Variants in MLLT3 observed in about 807,000 individuals in gnomAD.
MLLT3 encodes the protein protein AF-9.
A neutral mutation model predicts 53.2 loss-of-function variants in MLLT3; 4 were observed. That is an observed-to-expected ratio of 0.08 (90% confidence interval 0.04 to 0.17). MLLT3 has a LOEUF of 0.17. Ranked by LOEUF, MLLT3 falls within the 10% of genes least tolerant of loss-of-function variation. The pLI, the probability that MLLT3 is intolerant of heterozygous loss-of-function variation, is 1.00. For synonymous variants in MLLT3, 283 were observed against 230.6 expected, an observed-to-expected ratio of 1.23 and a Z score of -2.06; for missense variants, 569 against 684.0, an observed-to-expected ratio of 0.83 and a Z score of 1.87.
chr9:20,576,642 T>C (rs1366883228), intron 2 of MLLT3, among the ~76,000 whole-genome samples: 1 of 152,066 alleles, frequency 6.6e-6, no homozygotes, highest in East Asian at 1.9e-4. Flanking sequence ...ATGGGCACGC[T>C]TCATGGCAAC....
intron 2 of MLLT3, among the ~76,000 whole-genome samples, chr9:20,582,862 G>A (rs1587096440): frequency 6.6e-6 from 1 of 152,086 alleles, no homozygotes; most frequent in African/African-American, 2.4e-5. Context: ...AATTCAAATT[G>A]AGATTTGGGT....
In MLLT3 at chr9:20,597,322, T is replaced by C. The variant is rs114394612; in HGVS notation, c.193+23332A>G. ...CAAAGGTGTCTTACTATAAAGTTGT[T>C]ATTTAATACCACTTATGTGCAAAGG... On this transcript the variant is annotated intron_variant, in intron 2 of 10. Transcript: ENST00000380338. Among the ~76,000 whole-genome samples, 1,013 of 151,948 alleles carry C rather than the reference T, an allele frequency of 6.7e-3. 16 individuals are homozygous for C. Among genetic ancestry groups the C allele is most frequent in the African/African-American group, 0.024 (981 of 41,416 alleles).
chr9:20,398,564 CCA>C (rs1822378421), intron 5 of MLLT3, among the ~76,000 whole-genome samples: 1 of 152,010 alleles, frequency 6.6e-6, no homozygotes, highest in African/African-American at 2.4e-5. Context: ...TTTACCCGTT[CCA>C]ATAATTTCAA....
At chr9:20,382,366 A>G (rs1048168731) in intron 5 of MLLT3, 1 of 151,920 alleles carries the variant, frequency 6.6e-6, no homozygotes, top group East Asian at 1.9e-4. Flanking sequence ...CAGCAAGCAA[A>G]GAAATTGTTC....
intron 2 of MLLT3, among the ~76,000 whole-genome samples, chr9:20,489,272 G>T (rs1163534720): frequency 2.0e-5 from 3 of 152,114 alleles, no homozygotes; most frequent in Admixed American, 1.3e-4. Context: ...GAGTCAGATA[G>T]GTTTTTTATA....
rs971490361 is a variant in MLLT3 at position 20,341,679 on chromosome 9, A to T, written c.*4764T>A. On this transcript the variant is annotated 3_prime_UTR_variant, in exon 11 of 11. Transcript: ENST00000380338. Reference sequence around the variant, plus strand: ...CATCCAATTCCTTGGTTATTTACCAAACTGAATGTATTTTATTCTCTTTGT... The same window carrying T: ...CATCCAATTCCTTGGTTATTTACCATACTGAATGTATTTTATTCTCTTTGT... 1 of 180,526 alleles carries T rather than the reference A, an allele frequency of 5.5e-6. No homozygotes were observed. The highest frequency in any genetic ancestry group is 1.2e-5 in the Non-Finnish European group (1 of 84,514). 11.2% of individuals were successfully genotyped at this position (180,526 alleles called of 1,614,324 possible). A position where few individuals can be genotyped will look rare whatever the true frequency, so the allele number is the denominator to read the frequency against.
chr9:20,435,349 T>A (rs1191926809), intron 4 of MLLT3, among the ~76,000 whole-genome samples: 3 of 151,820 alleles, frequency 2.0e-5, no homozygotes, highest in Non-Finnish European at 4.4e-5. Flanking sequence ...CAGTGTTTTT[T>A]AAAAAAAAGA....
Position 20,620,555 on chromosome 9 carries a change from G to C in MLLT3, c.193+99C>G, listed in dbSNP as rs1820973727. On this transcript the variant is annotated intron_variant, in intron 2 of 10. Coordinates refer to ENST00000380338, the MANE Select transcript of MLLT3 (RefSeq NM_004529.4). This position sits in a 1 kb window ranked among gnomAD's most constrained non-coding sequence, Gnocchi z 6.1. ...GGATCCCGAGGCTACGCCGGCGAGC[G>C]CGGCGCGGGGGGCGGGGAGCGGGAC... 1.8e-6 allele frequency: 2 copies of C among 1,108,394 alleles called. No homozygotes were observed. Among genetic ancestry groups the C allele is most frequent in the Non-Finnish European group, 2.4e-6 (2 of 834,154 alleles). 68.7% of individuals were successfully genotyped at this position (1,108,394 alleles called of 1,614,324 possible). A position where few individuals can be genotyped will look rare whatever the true frequency, so the allele number is the denominator to read the frequency against.
chr9:20,386,983 G>A (rs976232236), intron 5 of MLLT3, among the ~76,000 whole-genome samples: 1 of 151,904 alleles, frequency 6.6e-6, no homozygotes, highest in African/African-American at 2.4e-5. Flanking sequence ...TTTTTGCTTT[G>A]TGTGTAAGTT....
At chr9:20,430,348 C>T (rs751310428) in intron 4 of MLLT3, among the ~76,000 whole-genome samples, 2 of 152,118 alleles carry the variant, frequency 1.3e-5, no homozygotes, top group Non-Finnish European at 2.9e-5. Flanking sequence ...TCTACTAGAA[C>T]TTGTTACATT....
intron 5 of MLLT3, among the ~76,000 whole-genome samples, chr9:20,400,878 T>C (rs1822438085): frequency 1.3e-5 from 2 of 152,202 alleles, no homozygotes; most frequent in South Asian, 2.1e-4. Context: ...TTTTAACTAG[T>C]TGATTTATAT....
At chr9:20,504,619 G>C (rs1420397452) in intron 2 of MLLT3, among the ~76,000 whole-genome samples, 1 of 151,934 alleles carries the variant, frequency 6.6e-6, no homozygotes, top group Non-Finnish European at 1.5e-5. Flanking sequence ...GTTGTTCAAA[G>C]GATATAAAAT....
intron 4 of MLLT3, 111 bp from the exon 5 acceptor site, chr9:20,414,536 A>G: frequency 6.7e-7 from 1 of 1,490,002 alleles, no homozygotes; most frequent in Non-Finnish European, 9.0e-7. Context: ...CTATCATTAA[A>G]ATACCAAAAA....
intron 2 of MLLT3, among the ~76,000 whole-genome samples, chr9:20,587,427 T>G (rs969994686): frequency 8.5e-5 from 13 of 152,120 alleles, no homozygotes; most frequent in Non-Finnish European, 1.5e-4. Flanking sequence ...TGGCCTTCAG[T>G]GCATAAGAGA....
chr9:20,596,482 G>T (rs748771846), intron 2 of MLLT3, among the ~76,000 whole-genome samples: 1 of 152,162 alleles, frequency 6.6e-6, no homozygotes, highest in Non-Finnish European at 1.5e-5. Context: ...CTGAGGTCAG[G>T]AGTTCAAGAC....
intron 5 of MLLT3, among the ~76,000 whole-genome samples, chr9:20,402,860 T>A (rs1261297525): frequency 6.6e-6 from 1 of 152,198 alleles, no homozygotes; most frequent in Non-Finnish European, 1.5e-5. Flanking sequence ...GGATATGGGA[T>A]ATGAGGTTCA....
chr9:20,444,817 A>C (rs951751890), intron 4 of MLLT3, among the ~76,000 whole-genome samples: 1 of 152,148 alleles, frequency 6.6e-6, no homozygotes, highest in Non-Finnish European at 1.5e-5. Context: ...GGCTGCAGTG[A>C]GCCATGACTG....
intron 2 of MLLT3, among the ~76,000 whole-genome samples, chr9:20,616,202 G>A (rs972157323): frequency 6.6e-6 from 1 of 151,992 alleles, no homozygotes; most frequent in Non-Finnish European, 1.5e-5. Context: ...TTTCCATAAT[G>A]CAAATGAGAA....
At chr9:20,561,598 A>T (rs892027281) in intron 2 of MLLT3, among the ~76,000 whole-genome samples, 3 of 152,120 alleles carry the variant, frequency 2.0e-5, no homozygotes, top group Non-Finnish European at 4.4e-5. Context: ...GCAAATAAAA[A>T]CCACCACACA....
Sources: gnomAD v4.1 joint callset for allele counts (sites outside exome capture counted in the v4.1 genomes callset) on GRCh38, gnomAD v4.1.1 for gene constraint, Gnocchi (gnomAD v3.1) non-coding constraint, MANE v1.5 for transcripts, NCBI Gene and HGNC (gene_info 2026-07-23, HGNC 2026-07-21) for gene names.